NRF1: variants seen among roughly 807,000 people sequenced by gnomAD.
The protein encoded by NRF1 is nuclear respiratory factor 1.
Under a neutral mutation model 58.5 loss-of-function variants are expected in NRF1, and 5 were observed. The ratio of observed to expected loss-of-function variants is 0.09; its 90% CI spans 0.04 to 0.18. NRF1 has a LOEUF of 0.18. Ranked by LOEUF, NRF1 falls within the 10% of genes least tolerant of loss-of-function variation. The pLI, the probability that NRF1 is intolerant of heterozygous loss-of-function variation, is 1.00. For synonymous variants in NRF1, 224 were observed against 246.7 expected (o/e 0.91, Z 0.86); for missense variants, 288 against 657.7 (o/e 0.44, Z 6.15).
chr7:129,676,807 A>G (rs763404064), intron 3 of NRF1, among the ~76,000 whole-genome samples: 2 of 152,214 alleles, frequency 1.3e-5, no homozygotes, highest in Non-Finnish European at 2.9e-5. Flanking sequence ...AAGATCCCAG[A>G]TAGTATCTGT....
intron 1 of NRF1, among the ~76,000 whole-genome samples, chr7:129,637,056 C>T (rs960834611): frequency 6.6e-6 from 1 of 152,080 alleles, no homozygotes; most frequent in Admixed American, 6.6e-5. Context: ...AATCCTTGGT[C>T]CTCAGTTTCC....
At chr7:129,754,464 T>TAAAAAAAA (rs57595268) in intron 10 of NRF1, among the ~76,000 whole-genome samples, 8,214 of 50,898 alleles carry the variant, frequency 0.16, 1,186 homozygotes, top group East Asian at 0.44. Context: ...CCCTGTCTCT[T>TAAAAAAAA]AAAAAAAAAA....
At chr7:129,640,332 A>G (rs1032404368) in intron 1 of NRF1, among the ~76,000 whole-genome samples, 12 of 151,904 alleles carry the variant, frequency 7.9e-5, no homozygotes, top group African/African-American at 2.2e-4. Flanking sequence ...GCCTGGCAAC[A>G]TAGTGAGACC....
chr7:129,715,778 G>A (rs1268850766), intron 8 of NRF1, among the ~76,000 whole-genome samples: 2 of 152,132 alleles, frequency 1.3e-5, no homozygotes, highest in East Asian at 3.8e-4. Flanking sequence ...GCGGAGGCAG[G>A]TGGATCACCT....
At chr7:129,719,861 A>G (rs1803280796) in intron 9 of NRF1, among the ~76,000 whole-genome samples, 1 of 152,106 alleles carries the variant, frequency 6.6e-6, no homozygotes, top group Non-Finnish European at 1.5e-5. Flanking sequence ...GGCCCTCATT[A>G]AAGACCAGCA....
intron 1 of NRF1, among the ~76,000 whole-genome samples, chr7:129,621,135 C>A (rs1224406824): frequency 3.9e-5 from 6 of 152,130 alleles, no homozygotes; most frequent in African/African-American, 1.2e-4. Flanking sequence ...GTAATTTTTA[C>A]TTCCTTCTGC....
chr7:129,726,342 C>G (rs916602788), intron 9 of NRF1, among the ~76,000 whole-genome samples: 1 of 152,048 alleles, frequency 6.6e-6, no homozygotes, highest in African/African-American at 2.4e-5. Context: ...CTTACTGGCC[C>G]ATGAAATAAT....
At chr7:129,736,064 T>C (rs1056222589) in intron 10 of NRF1, among the ~76,000 whole-genome samples, 1 of 152,150 alleles carries the variant, frequency 6.6e-6, no homozygotes, top group Non-Finnish European at 1.5e-5. Context: ...CACCCTGCCT[T>C]ACTGTGCTGT....
At chr7:129,637,614 C>A (rs1254601290) in intron 1 of NRF1, among the ~76,000 whole-genome samples, 2 of 152,138 alleles carry the variant, frequency 1.3e-5, no homozygotes, top group African/African-American at 4.8e-5. Context: ...TGTTTGTCCA[C>A]AACCATATTT....
intron 1 of NRF1, among the ~76,000 whole-genome samples, chr7:129,637,566 T>C (rs1355995383): frequency 6.6e-6 from 1 of 152,218 alleles, no homozygotes; most frequent in African/African-American, 2.4e-5. Flanking sequence ...AGATAAAAAG[T>C]ATTCTTAATA....
Position 129,638,130 on chromosome 7 carries a change from T to G in NRF1, c.-6-19216T>G, listed in dbSNP as rs190114626. On this transcript the variant is annotated intron_variant, in intron 1 of 10. Transcript: ENST00000393232. ...TTTTTTTTCAATAGTTCACTCTTTTTGGGGGTTGTGATATGTGGTGTTTTT... is the reference window on the plus strand; with the variant it reads ...TTTTTTTTCAATAGTTCACTCTTTTGGGGGGTTGTGATATGTGGTGTTTTT... Among the ~76,000 whole-genome samples the G allele has an allele frequency of 2.6e-4, 39 of 152,240 alleles. No homozygotes were observed. In the East Asian group the frequency reaches 7.5e-3, roughly 29 times the overall value.
chr7:129,752,680 C>T (rs1289300862), intron 10 of NRF1, among the ~76,000 whole-genome samples: 2 of 151,044 alleles, frequency 1.3e-5, no homozygotes, highest in African/African-American at 4.9e-5. Context: ...AGTGAGACCT[C>T]GTCACTATTT....
chr7:129,701,772 T>G (rs1270735704), intron 5 of NRF1, among the ~76,000 whole-genome samples: 1 of 152,200 alleles, frequency 6.6e-6, no homozygotes, highest in African/African-American at 2.4e-5. Context: ...GCAATTCCAC[T>G]TTTCTGAATT....
intron 9 of NRF1, among the ~76,000 whole-genome samples, chr7:129,722,351 A>G (rs949197042): frequency 2.6e-5 from 4 of 151,828 alleles, no homozygotes; most frequent in African/African-American, 9.7e-5. Context: ...AGATCACACC[A>G]GTGCACTCCA....
chr7:129,666,133 G>A (rs1801915908), intron 2 of NRF1, among the ~76,000 whole-genome samples: 1 of 152,138 alleles, frequency 6.6e-6, no homozygotes, highest in East Asian at 1.9e-4. Context: ...AAATGCATGT[G>A]CACCCACTGC....
intron 1 of NRF1, among the ~76,000 whole-genome samples, chr7:129,620,533 C>T (rs1327426264): frequency 6.6e-6 from 1 of 151,906 alleles, no homozygotes; most frequent in Non-Finnish European, 1.5e-5. Context: ...GGATTACAGG[C>T]GCCTGCCACC....
rs10215507 is a variant in NRF1, at chr7:129,748,813, A to C, written c.1349-6205A>C. Among the ~76,000 whole-genome samples the C allele has an allele frequency of 6.1e-3, 928 of 152,374 alleles. 7 individuals carry two copies. Among genetic ancestry groups the C allele is most frequent in the African/African-American group, 0.021 (889 of 41,584 alleles). ...TAAAGTCCCTCAAAATAACTAAATA[A>C]ATTCCATTTCCACGGATACATGCAC... On this transcript the variant is annotated intron_variant, in intron 10 of 10. Transcript: ENST00000393232.
chr7:129,719,241 T>A (rs1384830711), intron 9 of NRF1, among the ~76,000 whole-genome samples: 1 of 152,024 alleles, frequency 6.6e-6, no homozygotes, highest in Admixed American at 6.6e-5. Flanking sequence ...CAAGTGATTC[T>A]CCTGCCTCAG....
At chr7:129,676,361 A>C (rs1802178997) in intron 3 of NRF1, among the ~76,000 whole-genome samples, 1 of 152,204 alleles carries the variant, frequency 6.6e-6, no homozygotes, top group African/African-American at 2.4e-5. Context: ...CACTAAGCTT[A>C]GTCATGTCTA....
Sources: gnomAD v4.1 joint callset for allele counts (sites outside exome capture counted in the v4.1 genomes callset) on GRCh38, gnomAD v4.1.1 for gene constraint, MANE v1.5 for transcripts, NCBI Gene and HGNC (gene_info 2026-07-23, HGNC 2026-07-21) for gene names.